Variants in CNNM1 observed in about 807,000 individuals in gnomAD.
The protein encoded by CNNM1 is metal transporter CNNM1.
A neutral mutation model predicts 78.8 loss-of-function variants in CNNM1; 44 were observed. The ratio of observed to expected loss-of-function variants is 0.56; its 90% confidence interval spans 0.44 to 0.72. CNNM1 has a LOEUF of 0.72. Ranked by LOEUF, CNNM1 falls within the 30% of genes least tolerant of loss-of-function variation. The pLI is 0.00. For missense variants in CNNM1, 1,101 were observed against 1,292.2 expected (o/e 0.85, Z 2.27); for synonymous variants, 584 against 581.5 (o/e 1.00, Z -0.06).
chr10:99,347,945 A>G (rs943248383), intron 1 of CNNM1, among the ~76,000 whole-genome samples: 4 of 151,442 alleles, frequency 2.6e-5, no homozygotes, highest in African/African-American at 9.7e-5. Context: ...TCTCACTCCC[A>G]CACACTCCCT....
chr10:99,364,172 A>G (rs1301130379), intron 4 of CNNM1, among the ~76,000 whole-genome samples: 1 of 152,212 alleles, frequency 6.6e-6, no homozygotes, highest in Non-Finnish European at 1.5e-5. Flanking sequence ...ATGCAAGGAC[A>G]GCTTGGTTAT....
At chr10:99,382,800 T>C (rs548142514) in intron 7 of CNNM1, among the ~76,000 whole-genome samples, 1 of 152,308 alleles carries the variant, frequency 6.6e-6, no homozygotes, top group African/African-American at 2.4e-5. Context: ...CACATTAGCC[T>C]AAAGGTTAAC....
At chr10:99,356,615 AAG>A (rs1280556537) in intron 1 of CNNM1, among the ~76,000 whole-genome samples, 2 of 145,040 alleles carry the variant, frequency 1.4e-5, no homozygotes, top group Non-Finnish European at 3.1e-5. Context: ...AAAAGAAAGA[AAG>A]AAAGAAAAGA....
chr10:99,342,538 C>CT (rs34332553), intron 1 of CNNM1, among the ~76,000 whole-genome samples: 2 of 151,900 alleles, frequency 1.3e-5, no homozygotes, highest in Non-Finnish European at 2.9e-5. Flanking sequence ...AAAGTACAGC[C>CT]TTTTTTTTAA....
rs117724968 is a variant in CNNM1, at chr10:99,362,327, C to T, written c.1959C>T (p.Asn653=). ...AGGAGCTGAAGTTTGATGAGAAGAA[C>T]AAGAAGGCCCCGGAACACTACCTCT... ...VIQELKFDEK[N]KKAPEHYLYQ... The change falls in exon 4 of 11, where the codon AAC becomes AAT. Residue 653 remains asparagine, a synonymous_variant. Coordinates refer to ENST00000356713, the MANE Select transcript of CNNM1 (RefSeq NM_020348.3). 3.8e-3 allele frequency: 6,082 copies of T among 1,613,978 alleles called. 26 individuals are homozygous for T. Among genetic ancestry groups the T allele is most frequent in the Admixed American group, 4.5e-3 (270 of 60,026 alleles).
chr10:99,366,732 A>G (rs891142762), intron 6 of CNNM1, among the ~76,000 whole-genome samples: 2 of 152,178 alleles, frequency 1.3e-5, no homozygotes, highest in Non-Finnish European at 2.9e-5. Flanking sequence ...CAGTGAGCCA[A>G]GATCATGCCA....
intron 10 of CNNM1, among the ~76,000 whole-genome samples, chr10:99,390,995 G>C (rs1274497126): frequency 1.3e-5 from 2 of 152,258 alleles, no homozygotes; most frequent in East Asian, 3.9e-4. Context: ...GGTTGCTTCA[G>C]AGCTAGAGAA....
intron 1 of CNNM1, among the ~76,000 whole-genome samples, chr10:99,343,040 A>G (rs1190320872): frequency 6.6e-6 from 1 of 151,762 alleles, no homozygotes; most frequent in Non-Finnish European, 1.5e-5. Flanking sequence ...ATCTCGGCTC[A>G]CTGCAACCTC....
Position 99,362,283 on chromosome 10 carries a change from A to G in CNNM1, c.1915A>G (p.Lys639Glu). Reference protein sequence around the residue: ...LSEKILLRLLKHPNVIQELKF... With the variant: ...LSEKILLRLLEHPNVIQELKF... ...GGAGAAGATCCTGCTCCGGCTCCTG[A>G]AACATCCCAACGTGATCCAGGAGCT... Residue 639 changes from lysine (K) to glutamate (E), a missense_variant, in exon 4 of 11, where the codon AAA (lysine) becomes GAA (glutamate). Lys to Glu is a moderately conservative substitution (Grantham distance 56). Around this residue, in one of 3 missense-constraint regions of CNNM1, gnomAD observed 277 missense variants for 423.2 expected, o/e 0.65. Coordinates refer to ENST00000356713, the MANE Select transcript of CNNM1 (RefSeq NM_020348.3). 1 of 1,613,968 alleles carries G rather than the reference A, an allele frequency of 6.2e-7. No individual in the cohort carries two copies. Among genetic ancestry groups the G allele is most frequent in the Non-Finnish European group, 8.5e-7 (1 of 1,179,860 alleles).
Position 99,364,884 on chromosome 10 carries a change from G to A in CNNM1, c.2129-71G>A, listed in dbSNP as rs888631626. 5.6e-6 allele frequency: 8 copies of A among 1,434,346 alleles called. No individual in the cohort carries two copies. The African/African-American group carries it at 1.1e-4, about 20-fold the overall frequency. The allele number at this position is 1,434,346 out of a possible 1,614,324, so 88.9% of individuals were successfully genotyped here. A position where few individuals can be genotyped will look rare whatever the true frequency, so the allele number is the denominator to read the frequency against. On this transcript the variant is annotated intron_variant, in intron 5 of 10. Coordinates refer to ENST00000356713, the MANE Select transcript of CNNM1 (RefSeq NM_020348.3). Reference sequence around the variant, plus strand: ...TAATTGGTGCTGGGGGTGGATAGAAGAGGGAAGATTCCCATAAGAAGTGTG... The same window carrying A: ...TAATTGGTGCTGGGGGTGGATAGAAAAGGGAAGATTCCCATAAGAAGTGTG...
chr10:99,329,934 C>G lies in CNNM1; in HGVS notation c.547C>G (p.Leu183Val). Residue 183 changes from leucine to valine, a missense_variant, in exon 1 of 11, where the codon CTC (leucine) becomes GTC (valine). Physicochemically the swap from Leu to Val is conservative, Grantham distance 32 (BLOSUM62 1). This residue lies in a region of CNNM1 where 476 missense variants were observed against 484.5 expected (regional missense o/e 0.98). Coordinates refer to ENST00000356713, the MANE Select transcript of CNNM1 (RefSeq NM_020348.3). ...ERGGAGGGGK[L>V]FSLCAWDGRA... The stretch of plus-strand genomic sequence containing the variant: ...GGGCGGCGCGGGCGGTGGCGGGAAG[C>G]TCTTTTCACTCTGCGCCTGGGATGG... The G allele has an allele frequency of 5.1e-6, 7 of 1,385,402 alleles. No individual in the cohort carries two copies. Among genetic ancestry groups the G allele is most frequent in the Non-Finnish European group, 6.5e-6 (7 of 1,079,564 alleles). 85.8% of individuals were successfully genotyped at this position (1,385,402 alleles called of 1,614,324 possible).
chr10:99,368,178 G>A (rs957152882), intron 6 of CNNM1, among the ~76,000 whole-genome samples: 1 of 152,210 alleles, frequency 6.6e-6, no homozygotes, highest in Non-Finnish European at 1.5e-5. Flanking sequence ...AGGAGCACAC[G>A]CTTTCCATTC....
chr10:99,384,075 T>C (rs758171872), intron 7 of CNNM1, among the ~76,000 whole-genome samples: 1 of 152,210 alleles, frequency 6.6e-6, no homozygotes, highest in Non-Finnish European at 1.5e-5. Context: ...TAAAATTAAC[T>C]TGTTTTTACT....
rs59360398 is a variant in CNNM1 at position 99,368,871 on chromosome 10, T to A, written c.2176+3869T>A. Reference sequence around the variant, plus strand: ...GGCATTGCTGGTTCAGTGGTGTCATTTGTGAGTTTACCTCCCAGGAATGTA... The same window carrying A: ...GGCATTGCTGGTTCAGTGGTGTCATATGTGAGTTTACCTCCCAGGAATGTA... On this transcript the variant is annotated intron_variant, in intron 6 of 10. Transcript: ENST00000356713. Among the ~76,000 whole-genome samples, 957 of 152,344 alleles carry A rather than the reference T, an allele frequency of 6.3e-3. 11 individuals are homozygous for A. The highest frequency in any genetic ancestry group is 0.022 in the African/African-American group (908 of 41,580).
chr10:99,370,686 T>A (rs1035135706), intron 6 of CNNM1, among the ~76,000 whole-genome samples: 1 of 152,220 alleles, frequency 6.6e-6, no homozygotes, highest in Non-Finnish European at 1.5e-5. Flanking sequence ...TGCATTGAGA[T>A]CAACAATGAT....
intron 1 of CNNM1, among the ~76,000 whole-genome samples, chr10:99,351,267 C>G (rs2030936344): frequency 6.6e-6 from 1 of 152,176 alleles, no homozygotes; most frequent in Admixed American, 6.5e-5. Flanking sequence ...GTATCTCAAG[C>G]ATGTCTCAGA....
In CNNM1 at chr10:99,352,862, A is replaced by G. The variant is rs555318668; in HGVS notation, c.1574-4650A>G. The stretch of plus-strand genomic sequence containing the variant: ...GATGTTTCTAATTTTGGTGAAGTCC[A>G]TTTGATCTATTTTTTTAATTTGATT... On this transcript the variant is annotated intron_variant, in intron 1 of 10. Coordinates refer to ENST00000356713, the MANE Select transcript of CNNM1 (RefSeq NM_020348.3). Among the ~76,000 whole-genome samples the G allele has an allele frequency of 2.6e-5, 4 of 151,908 alleles. No homozygotes were observed. The East Asian group carries it at 7.7e-4, about 29-fold the overall frequency.
chr10:99,364,423 G>A lies in CNNM1; in HGVS notation c.2035G>A (p.Val679Met), dbSNP rs1247892303. Reference sequence around the variant, plus strand: ...TCCTTTTTTTTTTTTCCAGGGTAAAGTGGAGGTGGAGGTTGGTAAGGAAGG... The same window carrying A: ...TCCTTTTTTTTTTTTCCAGGGTAAAATGGAGGTGGAGGTTGGTAAGGAAGG... ...DYFVLLLQGK[V>M]EVEVGKEGLR... The change falls in exon 5 of 11, where the codon GTG becomes ATG. Residue 679 changes from valine to methionine, a missense_variant. Around this residue, in one of 3 missense-constraint regions of CNNM1, gnomAD observed 348 missense variants for 384.5 expected, o/e 0.90. Transcript: ENST00000356713. 13 of 1,608,520 alleles carry A rather than the reference G, an allele frequency of 8.1e-6. No homozygotes were observed. The highest frequency in any genetic ancestry group is 1.0e-5 in the Non-Finnish European group (12 of 1,177,266).
Position 99,377,115 on chromosome 10 carries a change from G to T in CNNM1, c.2237G>T (p.Arg746Leu). The part of the protein sequence containing the change: ...LNRSESPNRE[R>L]SDFGGSNTQL... ...CGCTCTGAGTCTCCAAACCGAGAGCGCAGTGACTTTGGGGGCAGCAACACC... is the reference window on the plus strand; with the variant it reads ...CGCTCTGAGTCTCCAAACCGAGAGCTCAGTGACTTTGGGGGCAGCAACACC... The change falls in exon 7 of 11, where the codon CGC becomes CTC. Residue 746 changes from arginine to leucine, a missense_variant. Physicochemically the swap from Arg to Leu is moderately radical, Grantham distance 102. Around this residue, in one of 3 missense-constraint regions of CNNM1, gnomAD observed 348 missense variants for 384.5 expected, o/e 0.90. Transcript: ENST00000356713. The T allele has an allele frequency of 6.2e-7, 1 of 1,607,626 alleles. No individual in the cohort carries two copies. The highest frequency in any genetic ancestry group is 8.5e-7 in the Non-Finnish European group (1 of 1,177,078).
Sources: gnomAD v4.1 joint callset for allele counts (sites outside exome capture counted in the v4.1 genomes callset) on GRCh38, gnomAD v4.1.1 for gene constraint, gnomAD v4.1.1 regional missense constraint, MANE v1.5 for transcripts, NCBI Gene and HGNC (gene_info 2026-07-23, HGNC 2026-07-21) for gene names.